EXOC4: variants seen among roughly 807,000 people sequenced by gnomAD.
The protein encoded by EXOC4 is SEC8-like 1.
In EXOC4, 71 loss-of-function variants were observed where a neutral mutation model predicts 107.2. The ratio of observed to expected loss-of-function variants is 0.66; its 90% CI spans 0.55 to 0.81. The LOEUF (loss-of-function observed/expected upper bound fraction) is 0.81. EXOC4 is among the 30% of genes least tolerant of loss of function. EXOC4 has a pLI of 0.00. For missense variants in EXOC4, 1,108 were observed against 1,189.6 expected, an observed-to-expected ratio of 0.93 and a Z score of 1.01; for synonymous variants, 456 against 441.2, an observed-to-expected ratio of 1.03 and a Z score of -0.42.
intron 10 of EXOC4, among the ~76,000 whole-genome samples, chr7:133,714,450 TC>T (rs1432531857): frequency 6.6e-6 from 1 of 152,208 alleles, no homozygotes; most frequent in Non-Finnish European, 1.5e-5. Context: ...TGCCTAAGAC[TC>T]AGCCAGGATT....
At chr7:134,000,449 T>C (rs931918850) in intron 15 of EXOC4, among the ~76,000 whole-genome samples, 1 of 152,176 alleles carries the variant, frequency 6.6e-6, no homozygotes, top group Non-Finnish European at 1.5e-5. Flanking sequence ...CCCTGAAACC[T>C]AATATCCTGC....
chr7:133,284,842 T>G (rs962580264), intron 2 of EXOC4, among the ~76,000 whole-genome samples: 1 of 152,106 alleles, frequency 6.6e-6, no homozygotes, highest in Non-Finnish European at 1.5e-5. Context: ...GCCTGAGAGA[T>G]ATGTTTAAAA....
chr7:133,586,164 G>C (rs1477920740), intron 9 of EXOC4, among the ~76,000 whole-genome samples: 1 of 152,112 alleles, frequency 6.6e-6, no homozygotes, highest in Non-Finnish European at 1.5e-5. Flanking sequence ...GGTGTTTCAT[G>C]TGCAGATTAT....
intron 9 of EXOC4, among the ~76,000 whole-genome samples, chr7:133,591,141 A>G (rs145734472): frequency 3.6e-4 from 55 of 152,280 alleles, no homozygotes; most frequent in Non-Finnish European, 7.4e-5. Flanking sequence ...TCCTATTTCA[A>G]TTGCAGCATC....
At chr7:133,874,637 A>AG (rs1485425686) in intron 11 of EXOC4, among the ~76,000 whole-genome samples, 1 of 152,246 alleles carries the variant, frequency 6.6e-6, no homozygotes, top group Non-Finnish European at 1.5e-5. Context: ...AACAATTTGT[A>AG]GGGAAACTTG....
chr7:133,926,618 T>C (rs529877249), intron 13 of EXOC4, among the ~76,000 whole-genome samples: 1 of 152,332 alleles, frequency 6.6e-6, no homozygotes, highest in East Asian at 1.9e-4. Context: ...TTTCCTCTGA[T>C]TTATATGTTT....
intron 10 of EXOC4, among the ~76,000 whole-genome samples, chr7:133,729,591 A>T (rs1466618659): frequency 1.9e-4 from 29 of 152,138 alleles, no homozygotes; most frequent in Non-Finnish European, 1.5e-5. Context: ...TGTGATTGAA[A>T]TGATATTATC....
At chr7:133,425,089 G>A (rs1383355158) in intron 7 of EXOC4, among the ~76,000 whole-genome samples, 1 of 133,314 alleles carries the variant, frequency 7.5e-6, no homozygotes, top group African/African-American at 4.2e-5. Context: ...CTGCAGTTAC[G>A]GTGGGCAGGG....
intron 10 of EXOC4, among the ~76,000 whole-genome samples, chr7:133,802,897 C>T (rs1796981750): frequency 6.7e-6 from 1 of 149,702 alleles, no homozygotes; most frequent in East Asian, 1.9e-4. Context: ...CAGTGAATAC[C>T]TCCTGTCCAA....
intron 13 of EXOC4, among the ~76,000 whole-genome samples, chr7:133,918,970 C>A (rs1188000911): frequency 2.0e-5 from 3 of 152,286 alleles, no homozygotes; most frequent in South Asian, 4.1e-4. Context: ...GTAGACAAAT[C>A]TTTACTGCTC....
At chr7:133,373,049 T>G (rs578044613) in intron 6 of EXOC4, among the ~76,000 whole-genome samples, 1 of 152,174 alleles carries the variant, frequency 6.6e-6, no homozygotes, top group African/African-American at 2.4e-5. Context: ...AGAACTACAG[T>G]CTTACATACC....
At chr7:133,863,251 T>TG (rs1279031413) in intron 11 of EXOC4, among the ~76,000 whole-genome samples, 2 of 152,130 alleles carry the variant, frequency 1.3e-5, no homozygotes, top group Non-Finnish European at 2.9e-5. Context: ...TCCATACTGG[T>TG]GCTGGATCAC....
At chr7:133,493,377 C>T (rs1404351655) in intron 9 of EXOC4, among the ~76,000 whole-genome samples, 1 of 152,200 alleles carries the variant, frequency 6.6e-6, no homozygotes, top group Non-Finnish European at 1.5e-5. Flanking sequence ...GCAGAGGTTG[C>T]AGTGAGCCAA....
At chr7:133,691,126 C>T (rs1343983518) in intron 10 of EXOC4, among the ~76,000 whole-genome samples, 1 of 152,198 alleles carries the variant, frequency 6.6e-6, no homozygotes, top group Non-Finnish European at 1.5e-5. Flanking sequence ...ATATCCTCAT[C>T]TCCTTCATCC....
intron 9 of EXOC4, among the ~76,000 whole-genome samples, chr7:133,613,435 T>G (rs1295867314): frequency 6.6e-6 from 1 of 152,152 alleles, no homozygotes; most frequent in African/African-American, 2.4e-5. Context: ...AGTCCATCTC[T>G]CCAGTAAATT....
chr7:134,011,272 G>A (rs181732920), intron 17 of EXOC4, among the ~76,000 whole-genome samples: 4 of 152,194 alleles, frequency 2.6e-5, no homozygotes, highest in East Asian at 1.9e-4. Context: ...AGGTCTGAAC[G>A]AACGATGATT....
chr7:133,909,680 T>G (rs1339571325), intron 12 of EXOC4, among the ~76,000 whole-genome samples: 3 of 152,152 alleles, frequency 2.0e-5, no homozygotes, highest in African/African-American at 7.2e-5. Context: ...AACTGATGTA[T>G]TTTTAAAATG....
At chr7:133,823,285 A>G (rs1332146040) in intron 11 of EXOC4, among the ~76,000 whole-genome samples, 1 of 152,124 alleles carries the variant, frequency 6.6e-6, no homozygotes, top group African/African-American at 2.4e-5. Context: ...TTCCACTTAT[A>G]TCTGCAGACT....
chr7:133,565,774 G>A (rs932610414), intron 9 of EXOC4, among the ~76,000 whole-genome samples: 3 of 152,166 alleles, frequency 2.0e-5, no homozygotes, highest in African/African-American at 7.2e-5. Flanking sequence ...GGAAAACTGA[G>A]TCTAGGGTGG....
Sources: allele counts gnomAD v4.1 joint callset (sites outside exome capture counted in the v4.1 genomes callset), GRCh38; gene constraint gnomAD v4.1.1; transcripts MANE v1.5; gene names NCBI Gene and HGNC (gene_info 2026-07-23, HGNC 2026-07-21).